Variants in PIK3AP1 observed in about 807,000 individuals in gnomAD.
PIK3AP1 encodes the protein phosphoinositide-3-kinase adaptor protein 1.
In PIK3AP1, 21 loss-of-function variants were observed where a neutral mutation model predicts 88.1. The ratio of observed to expected loss-of-function variants is 0.24; its 90% CI spans 0.17 to 0.34. The LOEUF is 0.34. Ranked by LOEUF, PIK3AP1 falls within the 10% of genes least tolerant of loss-of-function variation. PIK3AP1 has a pLI of 1.00. For missense variants in PIK3AP1, 828 were observed against 1,035.7 expected (o/e 0.80, Z 2.75); for synonymous variants, 398 against 400.0 (o/e 1.00, Z 0.06).
intron 2 of PIK3AP1, among the ~76,000 whole-genome samples, chr10:96,704,637 G>A (rs538410441): frequency 8.6e-5 from 13 of 151,814 alleles, no homozygotes; most frequent in African/African-American, 2.7e-4. Context: ...AGAATTGCTC[G>A]AACCCAGGGA....
chr10:96,638,445 CACACACACAGACACACACACACACAG>C (rs759548738), intron 8 of PIK3AP1, among the ~76,000 whole-genome samples: 2,890 of 132,044 alleles, frequency 0.022, 90 homozygotes, highest in African/African-American at 0.074. Flanking sequence ...CGGACTAAGA[CACACACACAGACACACACACACACAG>C]ACACACACAC....
intron 2 of PIK3AP1, among the ~76,000 whole-genome samples, chr10:96,695,294 C>T (rs1844205635): frequency 6.6e-6 from 1 of 152,222 alleles, no homozygotes; most frequent in African/African-American, 2.4e-5. Context: ...TTCACATGCT[C>T]TAAAAGCCGA....
Position 96,594,812 on chromosome 10 carries a change from CGGAA to C in PIK3AP1, c.*761_*764del, listed in dbSNP as rs1476184023. 6.6e-6 allele frequency: 1 copy of C among 152,158 alleles called. No individual in the cohort carries two copies. Among genetic ancestry groups the C allele is most frequent in the Non-Finnish European group, 1.5e-5 (1 of 68,040 alleles). The allele number at this position is 152,158 out of a possible 1,614,324, so 9.4% of individuals were successfully genotyped here. ...TTGGTAGTCTCATGCCTGGGAGATA[CGGAA>C]GATGGAAAATTCTGGAAGACCAATA... On this transcript the variant is annotated 3_prime_UTR_variant, in exon 17 of 17. Coordinates refer to ENST00000339364, the MANE Select transcript of PIK3AP1 (RefSeq NM_152309.3). This position sits in a 1 kb window ranked among gnomAD's most constrained non-coding sequence, Gnocchi z 4.6.
chr10:96,643,266 G>C (rs1440115847), intron 8 of PIK3AP1, among the ~76,000 whole-genome samples: 1 of 152,232 alleles, frequency 6.6e-6, no homozygotes, highest in African/African-American at 2.4e-5. Flanking sequence ...TAAAATGCAT[G>C]GTGTTGGATA....
intron 9 of PIK3AP1, among the ~76,000 whole-genome samples, 187 bp from the exon 10 acceptor site, chr10:96,627,092 T>C (rs1205958726): frequency 1.3e-5 from 2 of 152,230 alleles, no homozygotes; most frequent in African/African-American, 4.8e-5. Context: ...AAAACACTCA[T>C]GTCACCTCCA....
In PIK3AP1 at chr10:96,630,314, C is replaced by T. The variant is rs190447233; in HGVS notation, c.1376-1821G>A. Among the ~76,000 whole-genome samples the T allele has an allele frequency of 2.1e-3, 325 of 152,244 alleles. 4 individuals are homozygous for T. The highest frequency in any genetic ancestry group is 7.7e-4 in the East Asian group (4 of 5,188). On this transcript the variant is annotated intron_variant, in intron 8 of 16. Transcript: ENST00000339364. The stretch of plus-strand genomic sequence containing the variant: ...GAGGAACCAGTAAATGAATCCCGCC[C>T]GCCTGTTCTTGTCACCACTGAATTC...
chr10:96,700,428 C>T (rs1844282248), intron 2 of PIK3AP1, among the ~76,000 whole-genome samples: 1 of 152,200 alleles, frequency 6.6e-6, no homozygotes, highest in Non-Finnish European at 1.5e-5. Context: ...TGAACAACCC[C>T]TGATTCCGCA....
At chr10:96,657,190 T>C (rs1205048029) in intron 2 of PIK3AP1, among the ~76,000 whole-genome samples, 3 of 152,166 alleles carry the variant, frequency 2.0e-5, no homozygotes, top group African/African-American at 4.8e-5. Context: ...AGTCTGAGGC[T>C]GCAGGTTTAG....
At chr10:96,690,631 T>A (rs140838528) in intron 2 of PIK3AP1, among the ~76,000 whole-genome samples, 97 of 152,310 alleles carry the variant, frequency 6.4e-4, no homozygotes, top group Middle Eastern at 3.4e-3. Context: ...AGATCGCTCA[T>A]CTTTGTGTCG....
chr10:96,648,728 G>A lies in PIK3AP1; in HGVS notation c.1116C>T (p.Gly372=), dbSNP rs761240594. The part of the protein sequence containing the change: ...LQAYSVANKH[G]HYPNTIAEKH... ...TCTCAGCGATGGTGTTGGGGTAGTG[G>A]CCATGCTTGTTGGCCACGCTGTACG... The change falls in exon 7 of 17, where the codon GGC becomes GGT. Residue 372 remains glycine (G), a synonymous_variant. Transcript: ENST00000339364. 1 of 1,610,840 alleles carries A rather than the reference G, an allele frequency of 6.2e-7. No individual in the cohort carries two copies. Among genetic ancestry groups the A allele is most frequent in the South Asian group, 1.1e-5 (1 of 90,250 alleles).
At chr10:96,631,488 C>T (rs1843243806) in intron 8 of PIK3AP1, among the ~76,000 whole-genome samples, 1 of 152,204 alleles carries the variant, frequency 6.6e-6, no homozygotes, top group African/African-American at 2.4e-5. Flanking sequence ...GCAGTCCTGG[C>T]TGGGCCTGGC....
At chr10:96,622,097 T>C (rs1268878968) in intron 11 of PIK3AP1, among the ~76,000 whole-genome samples, 2 of 152,210 alleles carry the variant, frequency 1.3e-5, no homozygotes, top group African/African-American at 4.8e-5. Flanking sequence ...GGCACAGTGA[T>C]TGTGGACCCA....
intron 12 of PIK3AP1, among the ~76,000 whole-genome samples, chr10:96,620,046 C>T (rs1347603445): frequency 6.6e-6 from 1 of 152,136 alleles, no homozygotes; most frequent in Non-Finnish European, 1.5e-5. Context: ...AGCTGGAAAG[C>T]AGAAGCAGGG....
At chr10:96,604,817 A>G (rs1296567949) in intron 14 of PIK3AP1, among the ~76,000 whole-genome samples, 1 of 152,156 alleles carries the variant, frequency 6.6e-6, no homozygotes, top group Non-Finnish European at 1.5e-5. Context: ...AAGGGGCCGG[A>G]CCCTTTGACA....
intron 1 of PIK3AP1, among the ~76,000 whole-genome samples, chr10:96,715,672 C>T (rs1166368657): frequency 1.3e-5 from 2 of 152,030 alleles, no homozygotes; most frequent in Admixed American, 6.6e-5. Flanking sequence ...GGGTGGATCA[C>T]GAGGTCAGGA....
chr10:96,667,493 A>G (rs1380715052), intron 2 of PIK3AP1, among the ~76,000 whole-genome samples: 1 of 152,194 alleles, frequency 6.6e-6, no homozygotes, highest in Admixed American at 6.5e-5. Context: ...CATTGGTATC[A>G]TTCCACACAT....
rs771872937 is a variant in PIK3AP1 at position 96,620,362 on chromosome 10, C to T, written c.1931G>A (p.Arg644His). 73 of 1,613,870 alleles carry T rather than the reference C, an allele frequency of 4.5e-5. No individual in the cohort carries two copies. The East Asian group carries it at 8.7e-4, about 19-fold the overall frequency. Residue 644 changes from arginine to histidine, a missense_variant, in exon 12 of 17, where the codon CGT (arginine) becomes CAT (histidine). Physicochemically the swap from Arg to His is conservative, Grantham distance 29. This residue lies in a region of PIK3AP1 where 27 missense variants were observed against 67.1 expected (regional missense o/e 0.40). Transcript: ENST00000339364. ...LNQKKRSESF[R>H]FQQENLKRLR... is the part of the protein sequence containing the mutation. The stretch of plus-strand genomic sequence containing the variant: ...TACGAAGCTAGTTACCTGCTGGAAA[C>T]GAAAGGACTCCGATCGTTTCTTCTG...
chr10:96,662,888 CAAA>C (rs749898725), intron 2 of PIK3AP1, among the ~76,000 whole-genome samples: 20 of 22,560 alleles, frequency 8.9e-4, no homozygotes, highest in African/African-American at 3.0e-3. Context: ...GACTCCGTCT[CAAA>C]AAAAAAAAAA....
At chr10:96,703,276 T>G (rs1444079431) in intron 2 of PIK3AP1, among the ~76,000 whole-genome samples, 1 of 152,112 alleles carries the variant, frequency 6.6e-6, no homozygotes, top group Non-Finnish European at 1.5e-5. Flanking sequence ...TCCCTCTAAA[T>G]TTTTCCCATG....
Sources: allele counts gnomAD v4.1 joint callset (sites outside exome capture counted in the v4.1 genomes callset), GRCh38; gene constraint gnomAD v4.1.1; regional missense constraint gnomAD v4.1.1; non-coding constraint Gnocchi (gnomAD v3.1); transcripts MANE v1.5; gene names NCBI Gene and HGNC (gene_info 2026-07-23, HGNC 2026-07-21).